SETD5: variants seen among roughly 807,000 people sequenced by gnomAD.
The protein encoded by SETD5 is SET domain containing 5, also known as histone-lysine N-methyltransferase SETD5.
SETD5 carries 44 observed loss-of-function variants against 153.3 expected under a neutral mutation model. The observed-to-expected ratio is 0.29, with a 90% CI of 0.23 to 0.37. The LOEUF is 0.37. SETD5 is among the 10% of genes least tolerant of loss of function. SETD5 has a pLI of 1.00. For missense variants in SETD5, 1,544 were observed against 1,768.0 expected (o/e 0.87, Z 2.27); for synonymous variants, 716 against 645.2 (o/e 1.11, Z -1.66).
intron 3 of SETD5, chr3:9,431,334 C>G: frequency 1.0e-6 from 1 of 985,312 alleles, no homozygotes; most frequent in Non-Finnish European, 1.2e-6. Context: ...CTGTTGTGAG[C>G]CTGGTTTCTG....
In SETD5 at chr3:9,448,054, C is replaced by G. The variant is rs1346238259; in HGVS notation, c.2103+48C>G. Reference sequence around the variant, plus strand: ...ATAAGTCCAGTCTGGCAAGGGCTGTCTTAGTGAAATGAGAGGACCTATAAT... The same window carrying G: ...ATAAGTCCAGTCTGGCAAGGGCTGTGTTAGTGAAATGAGAGGACCTATAAT... On this transcript the variant is annotated intron_variant, in intron 15 of 22. Transcript: ENST00000402198. 9 of 1,549,058 alleles carry G rather than the reference C, an allele frequency of 5.8e-6. No individual in the cohort carries two copies. The East Asian group carries it at 1.6e-4, about 28-fold the overall frequency.
intron 2 of SETD5, chr3:9,426,094 A>C (rs1446786740): frequency 6.6e-6 from 1 of 150,814 alleles, no homozygotes; most frequent in Non-Finnish European, 1.5e-5. Flanking sequence ...TACAGATTTT[A>C]CTTCAATTTC....
At chr3:9,428,032 G>GT (rs1298775583) in intron 2 of SETD5, among the ~76,000 whole-genome samples, 3 of 151,980 alleles carry the variant, frequency 2.0e-5, no homozygotes, top group Admixed American at 6.6e-5. Context: ...GATTTCGGGG[G>GT]TTTTTTTGTT....
intron 1 of SETD5, among the ~76,000 whole-genome samples, chr3:9,417,300 A>G (rs1400232381): frequency 1.3e-5 from 2 of 152,172 alleles, no homozygotes; most frequent in Non-Finnish European, 2.9e-5. Context: ...AAAGGAGAAT[A>G]GCTCTTCAGT....
chr3:9,445,365 T>A, intron 12 of SETD5, 65 bp downstream of exon 12: 1 of 1,536,088 alleles, frequency 6.5e-7, no homozygotes. Context: ...GGAACCCGGG[T>A]TGCCGCATGG....
intron 17 of SETD5, among the ~76,000 whole-genome samples, chr3:9,462,993 A>G (rs1172762144): frequency 1.3e-5 from 2 of 151,360 alleles, no homozygotes; most frequent in African/African-American, 2.4e-5. Flanking sequence ...TCATGCTAAT[A>G]CTAATGTGTT....
intron 1 of SETD5, among the ~76,000 whole-genome samples, chr3:9,416,961 A>G (rs2037559931): frequency 6.6e-6 from 1 of 152,130 alleles, no homozygotes; most frequent in Admixed American, 6.5e-5. Flanking sequence ...AAGATAAAAA[A>G]TAAAAGCATG....
At chr3:9,412,332 C>T (rs1248633057) in intron 1 of SETD5, among the ~76,000 whole-genome samples, 3 of 148,966 alleles carry the variant, frequency 2.0e-5, no homozygotes, top group African/African-American at 7.4e-5. Flanking sequence ...AAGTTATCTT[C>T]CCTTTTCCCC....
intron 18 of SETD5, chr3:9,468,555 C>A (rs2044906490): frequency 7.7e-7 from 1 of 1,304,182 alleles, no homozygotes; most frequent in Admixed American, 2.3e-5. Flanking sequence ...TGCGCATAGG[C>A]CCGAGTCCCT....
intron 1 of SETD5, among the ~76,000 whole-genome samples, chr3:9,402,044 A>G (rs1295710221): frequency 6.6e-6 from 1 of 152,228 alleles, no homozygotes; most frequent in African/African-American, 2.4e-5. Flanking sequence ...ATGTGGCAAA[A>G]TGATTGATTT....
intron 1 of SETD5, among the ~76,000 whole-genome samples, chr3:9,413,840 T>A (rs140127989): frequency 0.044 from 6,665 of 152,092 alleles, 247 homozygotes; most frequent in Admixed American, 0.11. Flanking sequence ...TGCAATGGTG[T>A]GATCTCTTCT....
chr3:9,420,397 A>C (rs1317188900), intron 1 of SETD5, among the ~76,000 whole-genome samples: 1 of 151,770 alleles, frequency 6.6e-6, no homozygotes, highest in African/African-American at 2.4e-5. Context: ...ATAGACTAGG[A>C]TTTTTTTTCA....
At chr3:9,435,055 A>G (rs1339519800) in intron 6 of SETD5, among the ~76,000 whole-genome samples, 173 bp downstream of exon 6, 2 of 151,776 alleles carry the variant, frequency 1.3e-5, no homozygotes, top group African/African-American at 2.4e-5. Context: ...GACCAGCCTG[A>G]CCAACATGGA....
intron 2 of SETD5, among the ~76,000 whole-genome samples, 156 bp downstream of exon 2, chr3:9,424,682 A>G (rs1049231203): frequency 6.6e-6 from 1 of 152,236 alleles, no homozygotes; most frequent in Non-Finnish European, 1.5e-5. Flanking sequence ...CATTGAAACT[A>G]CAGCAGTGGA....
At chr3:9,431,481 A>G in intron 3 of SETD5, 1 of 945,970 alleles carries the variant, frequency 1.1e-6, no homozygotes, top group Non-Finnish European at 1.3e-6. Flanking sequence ...TAGTATATAT[A>G]TCAAGGAATA....
At chr3:9,414,248 GA>G (rs927552429) in intron 1 of SETD5, among the ~76,000 whole-genome samples, 1 of 152,186 alleles carries the variant, frequency 6.6e-6, no homozygotes, top group African/African-American at 2.4e-5. Flanking sequence ...ATTCCTACTA[GA>G]TTTCCTTTTT....
chr3:9,466,307 AAAG>A (rs1472918710), intron 18 of SETD5, among the ~76,000 whole-genome samples: 12 of 151,428 alleles, frequency 7.9e-5, no homozygotes, highest in Non-Finnish European at 1.2e-4. Context: ...AAAAAAAAAA[AAAG>A]AAAATCAGAA....
chr3:9,431,488 A>G (rs2039959163), intron 3 of SETD5: 1 of 951,974 alleles, frequency 1.1e-6, no homozygotes, highest in Admixed American at 6.2e-5. Flanking sequence ...TATATCAAGG[A>G]ATATTTTAGG....
intron 22 of SETD5, 79 bp from the exon 23 acceptor site, chr3:9,475,404 T>G: frequency 1.3e-6 from 2 of 1,520,400 alleles, no homozygotes; most frequent in Non-Finnish European, 1.8e-6. Context: ...GAAAAAAGAA[T>G]GTAGGGTATT....
Sources: allele counts gnomAD v4.1 joint callset (sites outside exome capture counted in the v4.1 genomes callset), GRCh38; gene constraint gnomAD v4.1.1; transcripts MANE v1.5; gene names NCBI Gene and HGNC (gene_info 2026-07-23, HGNC 2026-07-21).